The following MALRD1 variants were observed in gnomAD, a reference collection of about 807,000 sequenced individuals.
The protein encoded by MALRD1 is MAM and LDL receptor class A domain containing 1.
A neutral mutation model predicts 242.1 loss-of-function variants in MALRD1; 247 were observed. That is an observed-to-expected ratio of 1.02 (90% CI 0.92 to 1.13). The LOEUF is 1.13. Among genes scored for constraint, MALRD1 ranks in the 50% most tolerant of loss-of-function variants. The pLI is 0.00. For synonymous variants in MALRD1, 995 were observed against 866.6 expected (o/e 1.15, Z -2.60); for missense variants, 2,989 against 2,533.1 (o/e 1.18, Z -3.86).
intron 36 of MALRD1, among the ~76,000 whole-genome samples, chr10:19,660,326 A>T (rs1841369159): frequency 6.6e-6 from 1 of 152,202 alleles, no homozygotes; most frequent in Admixed American, 6.6e-5. Context: ...AGCACAATTT[A>T]ATTGAAAATG....
chr10:19,159,317 T>G (rs577982282), intron 12 of MALRD1, among the ~76,000 whole-genome samples: 14 of 152,282 alleles, frequency 9.2e-5, no homozygotes, highest in African/African-American at 3.1e-4. Context: ...GCTATAGATA[T>G]CTTAGCTTGT....
At chr10:19,633,116 C>T (rs1312834184) in intron 36 of MALRD1, among the ~76,000 whole-genome samples, 2 of 152,080 alleles carry the variant, frequency 1.3e-5, no homozygotes, top group Admixed American at 6.6e-5. Flanking sequence ...CCTGTAATCA[C>T]AGCTATTCTG....
At chr10:19,451,614 A>C (rs539145294) in intron 29 of MALRD1, among the ~76,000 whole-genome samples, 1 of 152,270 alleles carries the variant, frequency 6.6e-6, no homozygotes, top group African/African-American at 2.4e-5. Flanking sequence ...CGACTAAAAG[A>C]GCTAAACCTG....
intron 28 of MALRD1, among the ~76,000 whole-genome samples, chr10:19,425,914 T>C (rs1757991831): frequency 6.6e-6 from 1 of 152,186 alleles, no homozygotes; most frequent in Non-Finnish European, 1.5e-5. Flanking sequence ...CCCAGAGCAC[T>C]AATCTAATCC....
chr10:19,636,637 G>A (rs914897820), intron 36 of MALRD1, among the ~76,000 whole-genome samples: 1 of 152,068 alleles, frequency 6.6e-6, no homozygotes, highest in Non-Finnish European at 1.5e-5. Flanking sequence ...AGTGGCTCAC[G>A]TCTGTAATCC....
At position 19,113,081 on chromosome 10, in the gene MALRD1, T is replaced by A. The variant is rs188281046; in HGVS notation, c.694+9006T>A. On this transcript the variant is annotated intron_variant, in intron 5 of 39. Transcript: ENST00000454679. ...CCCTGACTTTGTTCCAGCCCACATT[T>A]TTTTTCCCCTATGGGATATTTTTTT... Among the ~76,000 whole-genome samples, 68 of 152,308 alleles carry A rather than the reference T, an allele frequency of 4.5e-4. 2 individuals are homozygous for A. In the East Asian group the frequency reaches 0.012, roughly 26 times the overall value.
rs893890553 is a variant in MALRD1, at chr10:19,233,728, G to C, written c.2992-23956G>C. On this transcript the variant is annotated intron_variant, in intron 18 of 39. Transcript: ENST00000454679. ...GCATAATGTAATGAAAAGCAAGATT[G>C]TAATGATAAAGGAAAATAACATTAG... Among the ~76,000 whole-genome samples the C allele has an allele frequency of 5.9e-5, 9 of 152,190 alleles. No individual in the cohort carries two copies. The East Asian group carries it at 1.2e-3, about 20-fold the overall frequency.
intron 29 of MALRD1, among the ~76,000 whole-genome samples, chr10:19,451,150 A>G (rs557303308): frequency 6.6e-6 from 1 of 152,328 alleles, no homozygotes; most frequent in Non-Finnish European, 1.5e-5. Flanking sequence ...TTTTCAACAC[A>G]ATTTTAAATG....
At chr10:19,674,145 C>G (rs927470685) in intron 36 of MALRD1, among the ~76,000 whole-genome samples, 6 of 152,018 alleles carry the variant, frequency 3.9e-5, no homozygotes, top group Non-Finnish European at 8.8e-5. Flanking sequence ...GTATATCTGT[C>G]ACCGGAAAGA....
At chr10:19,306,066 C>A (rs1842167996) in intron 21 of MALRD1, among the ~76,000 whole-genome samples, 1 of 117,082 alleles carries the variant, frequency 8.5e-6, no homozygotes, top group African/African-American at 3.4e-5. Flanking sequence ...TTATACTATA[C>A]TATATATACT....
intron 19 of MALRD1, among the ~76,000 whole-genome samples, chr10:19,275,683 AAAATAAAATAAT>A (rs1840483640): frequency 6.6e-6 from 1 of 152,094 alleles, no homozygotes; most frequent in Non-Finnish European, 1.5e-5. Flanking sequence ...AATAAAAATA[AAAATAAAATAAT>A]AAATAAAATC....
intron 1 of MALRD1, among the ~76,000 whole-genome samples, chr10:19,064,513 T>G (rs1834912252): frequency 6.6e-6 from 1 of 152,112 alleles, no homozygotes; most frequent in African/African-American, 2.4e-5. Flanking sequence ...GATTGCTTTT[T>G]TTTTTTGGTA....
intron 21 of MALRD1, among the ~76,000 whole-genome samples, chr10:19,296,486 T>G (rs1387721431): frequency 6.6e-6 from 1 of 152,088 alleles, no homozygotes; most frequent in Admixed American, 6.6e-5. Flanking sequence ...TGGGGAAAAT[T>G]TCAGGAATGA....
intron 31 of MALRD1, among the ~76,000 whole-genome samples, chr10:19,512,757 T>C (rs932417457): frequency 1.3e-5 from 2 of 152,184 alleles, no homozygotes; most frequent in Non-Finnish European, 2.9e-5. Context: ...CCCAGAATTA[T>C]GGATTTGACA....
chr10:19,249,136 A>G (rs1473507393), intron 18 of MALRD1, among the ~76,000 whole-genome samples: 1 of 151,450 alleles, frequency 6.6e-6, no homozygotes, highest in Non-Finnish European at 1.5e-5. Context: ...TTCATCTAAC[A>G]AATGAAATTG....
chr10:19,276,771 G>T (rs544276778), intron 19 of MALRD1, among the ~76,000 whole-genome samples: 167 of 152,190 alleles, frequency 1.1e-3, no homozygotes, highest in African/African-American at 3.7e-3. Flanking sequence ...AGTTAGACGT[G>T]AGTATATCCA....
intron 28 of MALRD1, among the ~76,000 whole-genome samples, chr10:19,392,105 T>A (rs1439797198): frequency 3.3e-5 from 5 of 152,226 alleles, no homozygotes; most frequent in Non-Finnish European, 7.3e-5. Flanking sequence ...GGGGTAATAC[T>A]GATTATAGAT....
At chr10:19,426,150 G>C (rs1833897380) in intron 28 of MALRD1, among the ~76,000 whole-genome samples, 1 of 152,074 alleles carries the variant, frequency 6.6e-6, no homozygotes, top group Non-Finnish European at 1.5e-5. Flanking sequence ...CATCATGTTA[G>C]AAGCTTTAAA....
At chr10:19,338,222 T>C (rs79000281) in intron 24 of MALRD1, among the ~76,000 whole-genome samples, 6,174 of 151,836 alleles carry the variant, frequency 0.041, 203 homozygotes, top group African/African-American at 0.092. Flanking sequence ...CTCTTGGTGC[T>C]GTATGTTCTG....
Sources: gnomAD v4.1 joint callset for allele counts (sites outside exome capture counted in the v4.1 genomes callset) on GRCh38, gnomAD v4.1.1 for gene constraint, MANE v1.5 for transcripts, NCBI Gene and HGNC (gene_info 2026-07-23, HGNC 2026-07-21) for gene names.